TRIM9: variants seen among roughly 807,000 people sequenced by gnomAD.
The protein encoded by TRIM9 is E3 ubiquitin-protein ligase TRIM9.
In TRIM9, 26 loss-of-function variants were observed where a neutral mutation model predicts 78.3. The ratio of observed to expected loss-of-function variants is 0.33; its 90% CI spans 0.24 to 0.46. The LOEUF (loss-of-function observed/expected upper bound fraction) is 0.46, where lower values mean the gene tolerates loss of function less well. Ranked by LOEUF, TRIM9 falls within the 20% of genes least tolerant of loss-of-function variation. The pLI, the probability that TRIM9 is intolerant of heterozygous loss-of-function variation, is 1.00. For missense variants in TRIM9, 787 were observed against 1,036.4 expected (o/e 0.76, Z 3.30); for synonymous variants, 398 against 416.5 (o/e 0.96, Z 0.54).
rs780053286 is a variant in TRIM9 at position 50,985,985 on chromosome 14, T to G, written c.1763A>C (p.His588Pro). 6.5e-7 allele frequency: 1 copy of G among 1,546,586 alleles called. No individual in the cohort carries two copies. Among genetic ancestry groups the G allele is most frequent in the South Asian group, 1.2e-5 (1 of 83,284 alleles). Residue 588 changes from histidine to proline, a missense_variant, in exon 8 of 13, where the codon CAT becomes CCT. Physicochemically the swap from His to Pro is moderately conservative, Grantham distance 77 (BLOSUM62 -2). Coordinates refer to ENST00000684578, the MANE Select transcript of TRIM9 (RefSeq NM_001387360.1). ...TGCATTGAGAGACTGTAAAGAGGAA[T>G]GCAAGCTCAGCTGGTGGGGTGAGGA... ...FRSSPHQLSL[H>P]SSLQSLNAPG...
intron 1 of TRIM9, among the ~76,000 whole-genome samples, chr14:51,030,008 T>C (rs1227320159): frequency 1.3e-5 from 2 of 152,246 alleles, no homozygotes; most frequent in Non-Finnish European, 2.9e-5. Flanking sequence ...AGCAGCCAGA[T>C]AGTATGTAAA....
chr14:50,997,862 G>A, intron 7 of TRIM9, 188 bp downstream of exon 7: 1 of 1,409,630 alleles, frequency 7.1e-7, no homozygotes, highest in Non-Finnish European at 9.3e-7. Flanking sequence ...GGAATCTTTG[G>A]TTTGATCACA....
chr14:51,054,090 G>C (rs1454091115), intron 1 of TRIM9, among the ~76,000 whole-genome samples: 1 of 152,110 alleles, frequency 6.6e-6, no homozygotes, highest in Admixed American at 6.5e-5. Flanking sequence ...AAATCATTTT[G>C]ACATCATTAA....
intron 1 of TRIM9, among the ~76,000 whole-genome samples, chr14:51,046,672 G>A (rs1453275195): frequency 1.3e-5 from 2 of 152,130 alleles, no homozygotes; most frequent in African/African-American, 4.8e-5. Flanking sequence ...TAAAAGCCAA[G>A]GATAAAGAAT....
chr14:50,986,202 A>G, intron 7 of TRIM9, 58 bp from the exon 8 acceptor site: 1 of 1,357,498 alleles, frequency 7.4e-7, no homozygotes, highest in Non-Finnish European at 9.6e-7. Flanking sequence ...GTCCCCGTGC[A>G]CGGTTCCCCA....
At chr14:50,993,907 C>CAAT (rs2053863535) in intron 7 of TRIM9, among the ~76,000 whole-genome samples, 2 of 152,110 alleles carry the variant, frequency 1.3e-5, no homozygotes, top group Admixed American at 6.6e-5. Flanking sequence ...AGAAAGATGA[C>CAAT]AATAATAATA....
intron 3 of TRIM9, among the ~76,000 whole-genome samples, chr14:51,021,255 G>C (rs2057736398): frequency 6.6e-6 from 1 of 152,184 alleles, no homozygotes; most frequent in Non-Finnish European, 1.5e-5. Context: ...AGACCACAGT[G>C]CACATGTGCT....
intron 1 of TRIM9, among the ~76,000 whole-genome samples, chr14:51,075,525 A>G (rs183867980): frequency 6.6e-6 from 1 of 152,118 alleles, no homozygotes; most frequent in Non-Finnish European, 1.5e-5. Flanking sequence ...AGTTTACACA[A>G]AGTTTTCGGG....
At chr14:51,044,375 T>C (rs1008724338) in intron 1 of TRIM9, among the ~76,000 whole-genome samples, 27 of 152,214 alleles carry the variant, frequency 1.8e-4, no homozygotes, top group African/African-American at 6.3e-4. Flanking sequence ...GCAATGTACC[T>C]GGCTAAAAAT....
At chr14:50,979,287 G>C in intron 12 of TRIM9, 100 bp downstream of exon 12, 1 of 1,600,054 alleles carries the variant, frequency 6.2e-7, no homozygotes, top group Non-Finnish European at 8.5e-7. Context: ...TGGGCCTTAC[G>C]CTGTCAGCTT....
chr14:51,011,976 C>A (rs1030186075), intron 3 of TRIM9, among the ~76,000 whole-genome samples: 1 of 152,172 alleles, frequency 6.6e-6, no homozygotes, highest in Admixed American at 6.5e-5. Context: ...TTCCTGTTCT[C>A]TTATTATTGG....
intron 1 of TRIM9, among the ~76,000 whole-genome samples, chr14:51,074,170 G>A (rs1237831561): frequency 6.6e-6 from 1 of 152,014 alleles, no homozygotes; most frequent in African/African-American, 2.4e-5. Flanking sequence ...TGTAATCCCA[G>A]CACTTTAGGA....
At chr14:51,006,855 G>A (rs1159625811) in intron 5 of TRIM9, among the ~76,000 whole-genome samples, 2 of 152,122 alleles carry the variant, frequency 1.3e-5, no homozygotes, top group Non-Finnish European at 2.9e-5. Context: ...AAACAGCCTT[G>A]TCCCTCTTAC....
chr14:51,078,745 G>C (rs556819117), intron 1 of TRIM9, among the ~76,000 whole-genome samples: 2 of 152,278 alleles, frequency 1.3e-5, no homozygotes, highest in African/African-American at 2.4e-5. Context: ...TACCATGGTG[G>C]GGAGAAAATG....
chr14:51,000,624 GGTC>G, intron 6 of TRIM9, 56 bp downstream of exon 6: 1 of 1,597,208 alleles, frequency 6.3e-7, no homozygotes, highest in Non-Finnish European at 8.6e-7. Context: ...CTCCCTGGCA[GGTC>G]CTCTGACAGA....
At chr14:50,983,941 G>T (rs551900948) in intron 8 of TRIM9, among the ~76,000 whole-genome samples, 1 of 152,136 alleles carries the variant, frequency 6.6e-6, no homozygotes, top group Non-Finnish European at 1.5e-5. Context: ...ATGACATGAC[G>T]AATGTGTTAA....
rs1367763182 is a variant in TRIM9, at chr14:50,975,771, ATTAGAAC to A, written c.*1513_*1519del. On this transcript the variant is annotated 3_prime_UTR_variant, in exon 13 of 13. Coordinates refer to ENST00000684578, the MANE Select transcript of TRIM9 (RefSeq NM_001387360.1). ...TCACTGAAAAATATTTAGACAACTA[ATTAGAAC>A]TTCTTTCCGGGTCCTACCTTTCCTA... 2 of 152,656 alleles carry A rather than the reference ATTAGAAC, an allele frequency of 1.3e-5. No individual in the cohort carries two copies. Among genetic ancestry groups the A allele is most frequent in the Non-Finnish European group, 2.9e-5 (2 of 68,048 alleles). 9.5% of individuals were successfully genotyped at this position (152,656 alleles called of 1,614,324 possible). A position where few individuals can be genotyped will look rare whatever the true frequency, so the allele number is the denominator to read the frequency against.
chr14:51,063,237 A>AT (rs1387829481), intron 1 of TRIM9, among the ~76,000 whole-genome samples: 3 of 152,202 alleles, frequency 2.0e-5, no homozygotes, highest in Admixed American at 2.0e-4. Context: ...GGGCTTAACA[A>AT]TATACTGGAG....
At chr14:51,087,410 A>C (rs2063864230) in intron 1 of TRIM9, among the ~76,000 whole-genome samples, 1 of 152,210 alleles carries the variant, frequency 6.6e-6, no homozygotes, top group Admixed American at 6.5e-5. Context: ...ATGCAGTTAG[A>C]AAAAAGAAAA....
Sources: allele counts gnomAD v4.1 joint callset (sites outside exome capture counted in the v4.1 genomes callset), GRCh38; gene constraint gnomAD v4.1.1; transcripts MANE v1.5; gene names NCBI Gene and HGNC (gene_info 2026-07-23, HGNC 2026-07-21).